The following SNTB2 variants were observed in gnomAD, a reference collection of about 807,000 sequenced individuals.
SNTB2 encodes syntrophin beta 2, also known as beta-2-syntrophin.
Under a neutral mutation model 46.2 loss-of-function variants are expected in SNTB2, and 34 were observed. That is an observed-to-expected ratio of 0.74 (90% CI 0.56 to 0.98). The LOEUF is 0.98. Ranked by LOEUF, SNTB2 falls within the 50% of genes least tolerant of loss-of-function variation. The probability of loss-of-function intolerance (pLI) is 0.00; values close to 1 mark genes in which losing one functional copy is unlikely to be tolerated. For missense variants in SNTB2, 603 were observed against 731.4 expected (o/e 0.82, Z 2.02); for synonymous variants, 290 against 312.6 (o/e 0.93, Z 0.76).
chr16:69,277,597 A>G (rs1567412877), intron 4 of SNTB2, among the ~76,000 whole-genome samples: 1 of 152,236 alleles, frequency 6.6e-6, no homozygotes, highest in East Asian at 1.9e-4. Context: ...ACAGAAGGCT[A>G]TCCACGTAAT....
At chr16:69,278,889 A>AGTGTGTGTGTGTGTGTGTGTGT (rs71148981) in intron 4 of SNTB2, among the ~76,000 whole-genome samples, 23 of 140,912 alleles carry the variant, frequency 1.6e-4, no homozygotes, top group African/African-American at 5.8e-4. Flanking sequence ...AGGTGGGAAG[A>AGTGTGTGTGTGTGTGTGTGTGT]GTGTGTGTGT....
chr16:69,247,209 A>G (rs1156971193), intron 2 of SNTB2, among the ~76,000 whole-genome samples: 1 of 151,998 alleles, frequency 6.6e-6, no homozygotes, highest in East Asian at 1.9e-4. Flanking sequence ...GACTCTGGCA[A>G]GTTAGCTTCC....
chr16:69,255,643 G>T lies in SNTB2; in HGVS notation c.795-4407G>T, dbSNP rs1964766986. Among the ~76,000 whole-genome samples, 4 of 152,094 alleles carry T rather than the reference G, an allele frequency of 2.6e-5. No homozygotes were observed. The South Asian group carries it at 8.3e-4, about 32-fold the overall frequency. On this transcript the variant is annotated intron_variant, in intron 2 of 6. Transcript: ENST00000336278. The stretch of plus-strand genomic sequence containing the variant: ...TACCTATAATCCCAATACTTTGGGA[G>T]GCTGAGGCGGGTGGATCACCTGAGG...
chr16:69,270,897 CA>C (rs1964930989), intron 4 of SNTB2, among the ~76,000 whole-genome samples: 2 of 152,094 alleles, frequency 1.3e-5, no homozygotes, highest in Non-Finnish European at 2.9e-5. Context: ...AAAACATATC[CA>C]AATTCAAATT....
intron 4 of SNTB2, among the ~76,000 whole-genome samples, chr16:69,280,500 C>G (rs1469114419): frequency 2.7e-5 from 4 of 149,904 alleles, no homozygotes. Context: ...GCTGACCCCC[C>G]CACCTCCCTC....
intron 4 of SNTB2, among the ~76,000 whole-genome samples, chr16:69,281,488 T>G (rs1371036921): frequency 6.7e-6 from 1 of 150,202 alleles, no homozygotes; most frequent in Admixed American, 6.6e-5. Flanking sequence ...AGGTCTGGTT[T>G]TTTTTTTTTT....
intron 5 of SNTB2, among the ~76,000 whole-genome samples, chr16:69,295,019 C>T (rs1475847117): frequency 6.6e-6 from 1 of 151,794 alleles, no homozygotes; most frequent in East Asian, 1.9e-4. Context: ...TGGGGTTTCA[C>T]CATGTTGCCC....
Position 69,302,426 on chromosome 16 carries a change from T to G in SNTB2, c.*1502T>G, listed in dbSNP as rs1965283156. The G allele has an allele frequency of 6.6e-6, 1 of 152,224 alleles. No homozygotes were observed. Among genetic ancestry groups the G allele is most frequent in the Admixed American group, 6.5e-5 (1 of 15,274 alleles). 9.4% of individuals were successfully genotyped at this position (152,224 alleles called of 1,614,324 possible). A position where few individuals can be genotyped will look rare whatever the true frequency, so the allele number is the denominator to read the frequency against. ...CTCTGAAGAAAGGTCTAGGGAAAGT[T>G]CTTGTTTGCTTGATTGATCAAGAGT... is the stretch of plus-strand genomic sequence containing the variant. On this transcript the variant is annotated 3_prime_UTR_variant, in exon 7 of 7. Coordinates refer to ENST00000336278, the MANE Select transcript of SNTB2 (RefSeq NM_006750.4).
At chr16:69,292,352 TTTTATATATATATA>T (rs1597203428) in intron 5 of SNTB2, among the ~76,000 whole-genome samples, 1 of 58,702 alleles carries the variant, frequency 1.7e-5, no homozygotes, top group Non-Finnish European at 3.1e-5. Flanking sequence ...TCACCTTATT[TTTTATATATATATA>T]TATATATATA....
At chr16:69,260,331 A>G in intron 3 of SNTB2, 71 bp downstream of exon 3, 1 of 1,376,104 alleles carries the variant, frequency 7.3e-7, no homozygotes, top group African/African-American at 1.4e-5. Context: ...CATTTAATAT[A>G]TCTGTAATAC....
chr16:69,292,400 ATATATAT>A (rs1361420699), intron 5 of SNTB2, among the ~76,000 whole-genome samples: 5 of 24,482 alleles, frequency 2.0e-4, no homozygotes, highest in African/African-American at 1.3e-3. Context: ...TTATATATAT[ATATATAT>A]TATATATATA....
At chr16:69,202,541 T>C (rs1964173177) in intron 1 of SNTB2, among the ~76,000 whole-genome samples, 1 of 152,074 alleles carries the variant, frequency 6.6e-6, no homozygotes. Flanking sequence ...TAGCTGGGAT[T>C]ACAGACACAC....
chr16:69,255,232 G>A (rs1442391008), intron 2 of SNTB2, among the ~76,000 whole-genome samples: 1 of 151,914 alleles, frequency 6.6e-6, no homozygotes, highest in Non-Finnish European at 1.5e-5. Context: ...CTAGTAGCTA[G>A]GACTGCAGAT....
intron 5 of SNTB2, among the ~76,000 whole-genome samples, chr16:69,284,467 A>AGG (rs1965081500): frequency 7.1e-6 from 1 of 140,566 alleles, no homozygotes. Flanking sequence ...ACTAAAAAAA[A>AGG]AAAAAAAAAA....
intron 4 of SNTB2, among the ~76,000 whole-genome samples, chr16:69,277,136 G>A (rs76392333): frequency 0.048 from 7,266 of 152,212 alleles, 238 homozygotes; most frequent in Non-Finnish European, 0.069. Context: ...TGACAAACAC[G>A]TTTAGTGAGA....
intron 4 of SNTB2, among the ~76,000 whole-genome samples, chr16:69,278,328 A>T (rs190785564): frequency 8.6e-5 from 13 of 150,580 alleles, no homozygotes; most frequent in East Asian, 3.9e-4. Context: ...AATGAAAATT[A>T]AAAAAAAAGA....
At chr16:69,209,797 G>C (rs7186585) in intron 1 of SNTB2, among the ~76,000 whole-genome samples, 3,758 of 152,050 alleles carry the variant, frequency 0.025, 161 homozygotes, top group African/African-American at 0.085. Flanking sequence ...TAGAAGGAGA[G>C]ATATAGTACA....
chr16:69,277,239 C>A (rs1964992145), intron 4 of SNTB2, among the ~76,000 whole-genome samples: 1 of 152,150 alleles, frequency 6.6e-6, no homozygotes, highest in Admixed American at 6.6e-5. Context: ...AGCTTTCAAG[C>A]AAAAATTAGA....
intron 3 of SNTB2, among the ~76,000 whole-genome samples, chr16:69,268,877 A>T (rs1964911421): frequency 6.6e-6 from 1 of 151,142 alleles, no homozygotes; most frequent in South Asian, 2.1e-4. Flanking sequence ...AAAAAAAATA[A>T]TAACACTGTG....
Sources: gnomAD v4.1 joint callset for allele counts (sites outside exome capture counted in the v4.1 genomes callset) on GRCh38, gnomAD v4.1.1 for gene constraint, MANE v1.5 for transcripts, NCBI Gene and HGNC (gene_info 2026-07-23, HGNC 2026-07-21) for gene names.